The following ADARB2 variants were observed in gnomAD, a reference collection of about 807,000 sequenced individuals.
ADARB2 encodes the protein inactive double-stranded RNA-specific editase B2.
In ADARB2, 25 loss-of-function variants were observed where a neutral mutation model predicts 62.2. The observed-to-expected ratio is 0.40, with a 90% confidence interval of 0.29 to 0.56. ADARB2 has a LOEUF of 0.56. ADARB2 is among the 20% of genes least tolerant of loss of function. The pLI, the probability that ADARB2 is intolerant of heterozygous loss-of-function variation, is 0.43. For synonymous variants in ADARB2, 572 were observed against 500.8 expected, an observed-to-expected ratio of 1.14 and a Z score of -1.90; for missense variants, 1,071 against 1,077.4, an observed-to-expected ratio of 0.99 and a Z score of 0.08.
In ADARB2 at chr10:1,179,817, A is replaced by G. The variant is rs1983027; in HGVS notation, c.*3376T>C. 0.95 allele frequency: 144,013 copies of G among 152,378 alleles called. 68,535 individuals are homozygous for G. The highest frequency in any genetic ancestry group is 1 in the Non-Finnish European group (68,021 of 68,110). The allele number at this position is 152,378 out of a possible 1,614,324, so 9.4% of individuals were successfully genotyped here. Reference sequence around the variant, plus strand: ...GCGGTGTCAGGTGGTGGGAAGTGCGAGGAAGCCAGACGGTGATTTCGAGGT... The same window carrying G: ...GCGGTGTCAGGTGGTGGGAAGTGCGGGGAAGCCAGACGGTGATTTCGAGGT... On this transcript the variant is annotated 3_prime_UTR_variant, in exon 10 of 10. Transcript: ENST00000381312.
chr10:1,523,970 C>T (rs1392654379), intron 1 of ADARB2, among the ~76,000 whole-genome samples: 1 of 152,148 alleles, frequency 6.6e-6, no homozygotes, highest in Non-Finnish European at 1.5e-5. Context: ...CATCCATCTA[C>T]TCATTCATTC....
At position 1,262,552 on chromosome 10, in the gene ADARB2, T is replaced by C. The variant is rs968770150; in HGVS notation, c.1192+8403A>G. On this transcript the variant is annotated intron_variant, in intron 4 of 9. Coordinates refer to ENST00000381312, the MANE Select transcript of ADARB2 (RefSeq NM_018702.4). ...CAAAAAAATGCTCATCATCACTGGC[T>C]ATCAGAGAAATACAAATCAAAACCA... is the stretch of plus-strand genomic sequence containing the variant. Among the ~76,000 whole-genome samples the C allele has an allele frequency of 3.1e-4, 40 of 127,462 alleles. 1 individual carries two copies. Among genetic ancestry groups the C allele is most frequent in the African/African-American group, 9.7e-4 (36 of 37,148 alleles). The allele number at this position is 127,462 out of a possible 152,430, so 83.6% of individuals were successfully genotyped here. A position where few individuals can be genotyped will look rare whatever the true frequency, so the allele number is the denominator to read the frequency against.
chr10:1,596,141 T>A (rs369736433), intron 1 of ADARB2, among the ~76,000 whole-genome samples: 2 of 152,250 alleles, frequency 1.3e-5, no homozygotes, highest in East Asian at 3.9e-4. Context: ...GGGTTGCATA[T>A]ATCTTTAGGA....
intron 1 of ADARB2, among the ~76,000 whole-genome samples, chr10:1,517,337 T>C (rs1285756388): frequency 6.6e-6 from 1 of 152,196 alleles, no homozygotes; most frequent in Non-Finnish European, 1.5e-5. Context: ...ATATTCTCAC[T>C]AAAAGCAAAG....
At chr10:1,461,291 A>T (rs746093415) in intron 1 of ADARB2, among the ~76,000 whole-genome samples, 3 of 152,186 alleles carry the variant, frequency 2.0e-5, no homozygotes, top group Non-Finnish European at 2.9e-5. Flanking sequence ...ATTTAGGAGA[A>T]CTTGTCCTAT....
chr10:1,596,502 G>A (rs1833337301), intron 1 of ADARB2, among the ~76,000 whole-genome samples: 1 of 152,176 alleles, frequency 6.6e-6, no homozygotes, highest in Non-Finnish European at 1.5e-5. Context: ...ATATTCACGT[G>A]CAACCCCCTG....
In ADARB2 at chr10:1,697,647, G is replaced by A. The variant is rs185548207; in HGVS notation, c.100+39404C>T. On this transcript the variant is annotated intron_variant, in intron 1 of 9. Transcript: ENST00000381312. The stretch of plus-strand genomic sequence containing the variant: ...GTGTCCATCCTGAACCCCAGACAAG[G>A]GTGGGTGGGAAGAGAAACCCCACAG... Among the ~76,000 whole-genome samples, 33 of 152,300 alleles carry A rather than the reference G, an allele frequency of 2.2e-4. No individual in the cohort carries two copies. In the East Asian group the frequency reaches 2.9e-3, roughly 13 times the overall value.
At chr10:1,512,465 A>G (rs1387060660) in intron 1 of ADARB2, among the ~76,000 whole-genome samples, 1 of 152,246 alleles carries the variant, frequency 6.6e-6, no homozygotes. Flanking sequence ...GGATACCAAG[A>G]TGGGTGTTTC....
intron 1 of ADARB2, among the ~76,000 whole-genome samples, chr10:1,715,633 A>C (rs1392596790): frequency 1.3e-5 from 2 of 152,184 alleles, no homozygotes; most frequent in Non-Finnish European, 2.9e-5. Context: ...TCCTGAGAAG[A>C]AAATCATATG....
intron 1 of ADARB2, among the ~76,000 whole-genome samples, chr10:1,590,845 T>A (rs974115240): frequency 3.3e-5 from 5 of 152,092 alleles, no homozygotes; most frequent in African/African-American, 1.2e-4. Flanking sequence ...GGAAACGCAG[T>A]CAGTAACCGT....
intron 1 of ADARB2, among the ~76,000 whole-genome samples, chr10:1,661,550 G>A (rs1326537995): frequency 6.6e-6 from 1 of 152,192 alleles, no homozygotes; most frequent in Non-Finnish European, 1.5e-5. Flanking sequence ...GAGGGCCCCG[G>A]CAAGCACCTA....
chr10:1,356,737 C>G (rs1210702010), intron 3 of ADARB2, among the ~76,000 whole-genome samples: 1 of 152,290 alleles, frequency 6.6e-6, no homozygotes, highest in East Asian at 1.9e-4. Flanking sequence ...TCTCACCTCC[C>G]TCCAGCCTTC....
At chr10:1,456,277 T>C (rs1415135978) in intron 1 of ADARB2, among the ~76,000 whole-genome samples, 1 of 152,146 alleles carries the variant, frequency 6.6e-6, no homozygotes, top group Non-Finnish European at 1.5e-5. Flanking sequence ...AAAAGGATCT[T>C]CCCTGATTTC....
At chr10:1,594,383 C>T (rs1374131135) in intron 1 of ADARB2, among the ~76,000 whole-genome samples, 2 of 152,184 alleles carry the variant, frequency 1.3e-5, no homozygotes, top group Admixed American at 6.5e-5. Context: ...GCCTCCTGTC[C>T]ACATAGCTGT....
chr10:1,261,617 G>A (rs1290865238), intron 4 of ADARB2, among the ~76,000 whole-genome samples: 1 of 147,498 alleles, frequency 6.8e-6, no homozygotes, highest in Non-Finnish European at 1.5e-5. Flanking sequence ...CTCACACCAG[G>A]CAATCATTAA....
intron 3 of ADARB2, among the ~76,000 whole-genome samples, chr10:1,284,350 G>T (rs1316926569): frequency 6.6e-6 from 1 of 152,140 alleles, no homozygotes; most frequent in Non-Finnish European, 1.5e-5. Context: ...TCATGGTAAG[G>T]TCAGCAGTTT....
chr10:1,510,106 T>TCC (rs1554767632), intron 1 of ADARB2, among the ~76,000 whole-genome samples: 16 of 125,726 alleles, frequency 1.3e-4, no homozygotes, highest in Non-Finnish European at 2.6e-4. Context: ...TTTTCTTTCT[T>TCC]TCTCTCTTTC....
chr10:1,543,998 C>CAAAAAAAAAAAAAAA (rs779186191), intron 1 of ADARB2, among the ~76,000 whole-genome samples: 1 of 81,986 alleles, frequency 1.2e-5, no homozygotes, highest in African/African-American at 4.0e-5. Flanking sequence ...GGCAGGTGAC[C>CAAAAAAAAAAAAAAA]AAAAAAAAAA....
At chr10:1,350,878 A>G (rs962574620) in intron 3 of ADARB2, among the ~76,000 whole-genome samples, 1 of 152,192 alleles carries the variant, frequency 6.6e-6, no homozygotes, top group Non-Finnish European at 1.5e-5. Flanking sequence ...AGAGGCAGCC[A>G]AGTAGCAATG....
Sources: allele counts gnomAD v4.1 joint callset (sites outside exome capture counted in the v4.1 genomes callset), GRCh38; gene constraint gnomAD v4.1.1; transcripts MANE v1.5; gene names NCBI Gene and HGNC (gene_info 2026-07-23, HGNC 2026-07-21).